The following PARD3 variants were observed in gnomAD, a reference collection of about 807,000 sequenced individuals.
PARD3 encodes partitioning defective 3 homolog.
PARD3 carries 75 observed loss-of-function variants against 155.4 expected under a neutral mutation model. The ratio of observed to expected loss-of-function variants is 0.48; its 90% CI spans 0.40 to 0.58. The LOEUF (loss-of-function observed/expected upper bound fraction) is 0.58. PARD3 is among the 20% of genes least tolerant of loss of function. The pLI, the probability that PARD3 is intolerant of heterozygous loss-of-function variation, is 0.00. For missense variants in PARD3, 1,642 were observed against 1,721.7 expected, an observed-to-expected ratio of 0.95 and a Z score of 0.82; for synonymous variants, 576 against 610.5, an observed-to-expected ratio of 0.94 and a Z score of 0.83.
intron 5 of PARD3, among the ~76,000 whole-genome samples, chr10:34,427,995 T>C (rs2075709343): frequency 1.3e-5 from 2 of 152,234 alleles, no homozygotes; most frequent in Middle Eastern, 3.4e-3. Context: ...GGGCAAATGC[T>C]ACCTGAGAGA....
intron 2 of PARD3, among the ~76,000 whole-genome samples, chr10:34,615,737 G>A (rs997377136): frequency 6.6e-6 from 1 of 151,970 alleles, no homozygotes; most frequent in African/African-American, 2.4e-5. Flanking sequence ...TATAAGAAAC[G>A]CAACAGACAA....
At chr10:34,780,114 T>G (rs1564612483) in intron 1 of PARD3, among the ~76,000 whole-genome samples, 1 of 152,234 alleles carries the variant, frequency 6.6e-6, no homozygotes, top group African/African-American at 2.4e-5. Flanking sequence ...AAGTCCATTT[T>G]AACTCTGCTT....
At chr10:34,210,944 ACACCTACCAATCAT>A (rs905836778) in intron 22 of PARD3, among the ~76,000 whole-genome samples, 2 of 152,134 alleles carry the variant, frequency 1.3e-5, no homozygotes, top group African/African-American at 4.8e-5. Context: ...TGTTCAGGTG[ACACCTACCAATCAT>A]AAGGGAGGAC....
chr10:34,289,098 C>T (rs1308770929), intron 20 of PARD3, among the ~76,000 whole-genome samples: 1 of 152,048 alleles, frequency 6.6e-6, no homozygotes, highest in Non-Finnish European at 1.5e-5. Flanking sequence ...GTAGCTGGGA[C>T]TACAGGTGCA....
intron 24 of PARD3, 26 bp from the exon 25 acceptor site, chr10:34,111,588 T>C (rs371227713): frequency 3.2e-6 from 5 of 1,565,298 alleles, no homozygotes; most frequent in Non-Finnish European, 4.3e-6. Flanking sequence ...CAAAGGTTAG[T>C]GTGAGGGTAG....
Position 34,798,071 on chromosome 10 carries a change from G to A in PARD3, c.120+16805C>T, listed in dbSNP as rs1190540719. ...ATGGTAGCTCACCCCTATAACCCCA[G>A]TGTTATGGGAGGCTGAGGCAAGAGG... On this transcript the variant is annotated intron_variant, in intron 1 of 24. Transcript: ENST00000374788. Among the ~76,000 whole-genome samples the A allele has an allele frequency of 2.0e-5, 3 of 152,126 alleles. No individual in the cohort carries two copies. In the East Asian group the frequency reaches 5.8e-4, roughly 29 times the overall value.
Position 34,612,275 on chromosome 10 carries a change from AAAT to A in PARD3, c.222+84040_222+84042del, listed in dbSNP as rs371421488. ...GTTTGAAAGCTGTGTTTAATATGAA[AAAT>A]AATAATAATTAAAAACAATTTTAAC... On this transcript the variant is annotated intron_variant, in intron 2 of 24. Coordinates refer to ENST00000374788, the MANE Select transcript of PARD3 (RefSeq NM_001184785.2). Among the ~76,000 whole-genome samples, 98 of 152,262 alleles carry A rather than the reference AAAT, an allele frequency of 6.4e-4. No individual in the cohort carries two copies. In the East Asian group the frequency reaches 9.5e-3, roughly 15 times the overall value.
rs780332601 is a variant in PARD3 at position 34,696,427 on chromosome 10, A to G, written c.121-8T>C. The G allele has an allele frequency of 7.2e-6, 11 of 1,536,040 alleles. No individual in the cohort carries two copies. The African/African-American group carries it at 8.2e-5, about 11-fold the overall frequency. Reference sequence around the variant, plus strand: ...TATCCAGTAGTTTGGATCCTATACGAAAGAACAGAAACACTGAATATAGCA... The same window carrying G: ...TATCCAGTAGTTTGGATCCTATACGGAAGAACAGAAACACTGAATATAGCA... On this transcript the variant is annotated splice_region_variant and splice_polypyrimidine_tract_variant and intron_variant, in intron 1 of 24. Coordinates refer to ENST00000374788, the MANE Select transcript of PARD3 (RefSeq NM_001184785.2).
intron 22 of PARD3, among the ~76,000 whole-genome samples, chr10:34,178,301 A>G (rs1406811411): frequency 6.6e-6 from 1 of 152,230 alleles, no homozygotes; most frequent in Non-Finnish European, 1.5e-5. Context: ...CAGCAAGCGG[A>G]AACCCTAAAC....
chr10:34,618,591 T>C (rs971108118), intron 2 of PARD3, among the ~76,000 whole-genome samples: 7 of 151,966 alleles, frequency 4.6e-5, no homozygotes, highest in African/African-American at 1.7e-4. Context: ...CAAAAAATAA[T>C]AGACCCAAAC....
At chr10:34,266,546 T>A (rs1204642688) in intron 22 of PARD3, among the ~76,000 whole-genome samples, 1 of 152,200 alleles carries the variant, frequency 6.6e-6, no homozygotes, top group East Asian at 1.9e-4. Context: ...AATTATCTAG[T>A]CTAATCACCC....
At chr10:34,756,116 C>T (rs1836688911) in intron 1 of PARD3, among the ~76,000 whole-genome samples, 2 of 151,250 alleles carry the variant, frequency 1.3e-5, no homozygotes, top group South Asian at 4.2e-4. Flanking sequence ...CCTCACCCTC[C>T]CTCCTCCAAT....
At chr10:34,747,685 C>T (rs1835480581) in intron 1 of PARD3, among the ~76,000 whole-genome samples, 1 of 152,172 alleles carries the variant, frequency 6.6e-6, no homozygotes, top group African/African-American at 2.4e-5. Context: ...ATGCCAGGTT[C>T]CCTCACAAGA....
intron 2 of PARD3, among the ~76,000 whole-genome samples, chr10:34,667,895 T>G (rs2093526058): frequency 6.6e-6 from 1 of 152,242 alleles, no homozygotes; most frequent in Non-Finnish European, 1.5e-5. Context: ...AGAAACCATC[T>G]GCTGCTTTAA....
At chr10:34,113,680 C>T (rs1011444186) in intron 24 of PARD3, among the ~76,000 whole-genome samples, 1 of 152,056 alleles carries the variant, frequency 6.6e-6, no homozygotes, top group African/African-American at 2.4e-5. Context: ...GGAAACTAAG[C>T]ATCCAGCTGG....
intron 2 of PARD3, among the ~76,000 whole-genome samples, chr10:34,662,024 C>T (rs373122851): frequency 6.6e-5 from 10 of 152,170 alleles, no homozygotes; most frequent in African/African-American, 2.4e-4. Context: ...CTTTGACCTG[C>T]AGGCCTAACC....
At chr10:34,666,014 G>A (rs1268188579) in intron 2 of PARD3, among the ~76,000 whole-genome samples, 1 of 151,790 alleles carries the variant, frequency 6.6e-6, no homozygotes, top group African/African-American at 2.4e-5. Flanking sequence ...AGGAGTTTGA[G>A]ATCAGCTTGA....
chr10:34,391,807 A>G (rs973962196), intron 7 of PARD3, among the ~76,000 whole-genome samples: 1 of 152,262 alleles, frequency 6.6e-6, no homozygotes, highest in African/African-American at 2.4e-5. Context: ...TATGAAATAC[A>G]TATTTTCCAA....
intron 2 of PARD3, among the ~76,000 whole-genome samples, chr10:34,680,867 G>C (rs994814670): frequency 6.7e-6 from 1 of 149,966 alleles, no homozygotes; most frequent in Non-Finnish European, 1.5e-5. Flanking sequence ...ATAGCATTGG[G>C]AGATATACCT....
Sources: gnomAD v4.1 joint callset for allele counts (sites outside exome capture counted in the v4.1 genomes callset) on GRCh38, gnomAD v4.1.1 for gene constraint, MANE v1.5 for transcripts, NCBI Gene and HGNC (gene_info 2026-07-23, HGNC 2026-07-21) for gene names.